ADGB: variants seen among roughly 807,000 people sequenced by gnomAD.
The protein encoded by ADGB is calpain-7-like protein.
A neutral mutation model predicts 210.5 loss-of-function variants in ADGB; 172 were observed. That is an observed-to-expected ratio of 0.82 (90% confidence interval 0.72 to 0.93). ADGB has a LOEUF of 0.93. ADGB is among the 40% of genes least tolerant of loss of function. The pLI is 0.00. For synonymous variants in ADGB, 658 were observed against 662.7 expected (o/e 0.99, Z 0.11); for missense variants, 2,025 against 1,964.8 (o/e 1.03, Z -0.58).
intron 35 of ADGB, among the ~76,000 whole-genome samples, chr6:146,810,652 A>G (rs1778290011): frequency 6.6e-6 from 1 of 152,184 alleles, no homozygotes; most frequent in Admixed American, 6.5e-5. Context: ...ATTTGCAACA[A>G]CACAGATGAA....
At chr6:146,655,984 G>A (rs1775773518) in intron 4 of ADGB, among the ~76,000 whole-genome samples, 1 of 152,066 alleles carries the variant, frequency 6.6e-6, no homozygotes, top group Non-Finnish European at 1.5e-5. Flanking sequence ...TGGCTTCATT[G>A]AACACCCACT....
At chr6:146,603,278 C>A (rs1321304869) in intron 1 of ADGB, among the ~76,000 whole-genome samples, 1 of 152,070 alleles carries the variant, frequency 6.6e-6, no homozygotes, top group Non-Finnish European at 1.5e-5. Flanking sequence ...ATTCATTCAC[C>A]AATTAGATGC....
chr6:146,692,969 A>G, intron 12 of ADGB, 54 bp downstream of exon 12: 1 of 1,033,118 alleles, frequency 9.7e-7, no homozygotes, highest in Non-Finnish European at 1.4e-6. Flanking sequence ...ATACTTTGTG[A>G]TGTGTCTGGC....
chr6:146,720,570 C>G (rs1776797611), intron 16 of ADGB, among the ~76,000 whole-genome samples: 1 of 152,140 alleles, frequency 6.6e-6, no homozygotes, highest in South Asian at 2.1e-4. Flanking sequence ...TTATAAAGAA[C>G]TACCTGAGAC....
chr6:146,609,481 T>C (rs1780675648), intron 1 of ADGB, among the ~76,000 whole-genome samples: 1 of 152,194 alleles, frequency 6.6e-6, no homozygotes, highest in Admixed American at 6.5e-5. Flanking sequence ...GACCTTATTG[T>C]GTAGTTTCTT....
At chr6:146,651,562 A>G (rs1282060328) in intron 3 of ADGB, among the ~76,000 whole-genome samples, 1 of 152,200 alleles carries the variant, frequency 6.6e-6, no homozygotes, top group African/African-American at 2.4e-5. Context: ...AGGAGGATGC[A>G]GGTCTGCAAG....
intron 12 of ADGB, among the ~76,000 whole-genome samples, chr6:146,696,100 G>C (rs1468661521): frequency 2.7e-5 from 4 of 148,958 alleles, no homozygotes; most frequent in Non-Finnish European, 5.9e-5. Context: ...TTCCCGAGAT[G>C]GAGTCTGCTC....
intron 23 of ADGB, among the ~76,000 whole-genome samples, chr6:146,738,162 A>C (rs1236370422): frequency 6.6e-6 from 1 of 152,242 alleles, no homozygotes; most frequent in Non-Finnish European, 1.5e-5. Flanking sequence ...TATCTACTGT[A>C]TAGTACTATT....
intron 22 of ADGB, among the ~76,000 whole-genome samples, chr6:146,735,437 C>T (rs1049541211): frequency 6.6e-6 from 1 of 152,006 alleles, no homozygotes; most frequent in Non-Finnish European, 1.5e-5. Context: ...AGAGCCAGAA[C>T]TCATCTTTTT....
Position 146,801,909 on chromosome 6 carries a change from G to A in ADGB, c.4716G>A (p.Gln1572=). The A allele has an allele frequency of 6.4e-7, 1 of 1,551,332 alleles. No individual in the cohort carries two copies. The highest frequency in any genetic ancestry group is 1.2e-5 in the South Asian group (1 of 83,978). Residue 1572 remains glutamine, a synonymous_variant, in exon 35 of 36, where the codon CAG becomes CAA. Transcript: ENST00000397944. Reference sequence around the variant, plus strand: ...TGCAAAAGGCGGAAGAAATTCATCAGTTTCGACAGCATAGGACCAGAGTCC... The same window carrying A: ...TGCAAAAGGCGGAAGAAATTCATCAATTTCGACAGCATAGGACCAGAGTCC... The part of the protein sequence containing the change: ...QAMQKAEEIH[Q]FRQHRTRVLS...
Position 146,717,019 on chromosome 6 carries a change from T to C in ADGB, c.1878T>C (p.Ser626=). Residue 626 remains serine, a synonymous_variant, in exon 15 of 36, where the codon AGT becomes AGC. Coordinates refer to ENST00000397944, the MANE Select transcript of ADGB (RefSeq NM_024694.4). ...SQEELPTTNN[S]VSKEIWLDFE... is the part of the protein sequence containing the mutation. ...AAGAACTTCCAACAACAAATAATAG[T>C]GTTTCTAAAGAAATATGGTTAGATT... 6.4e-7 allele frequency: 1 copy of C among 1,551,564 alleles called. No homozygotes were observed. The highest frequency in any genetic ancestry group is 8.7e-7 in the Non-Finnish European group (1 of 1,146,912).
chr6:146,808,638 G>T (rs1281458904), intron 35 of ADGB, among the ~76,000 whole-genome samples: 1 of 152,098 alleles, frequency 6.6e-6, no homozygotes, highest in Non-Finnish European at 1.5e-5. Context: ...CAGTGAAAGC[G>T]GTTTCACTTT....
chr6:146,799,058 CAAAA>C (rs71552962), intron 33 of ADGB, among the ~76,000 whole-genome samples: 830 of 63,536 alleles, frequency 0.013, 5 homozygotes, highest in African/African-American at 0.052. Context: ...TATGGAAATG[CAAAA>C]AAAAAAAAAA....
chr6:146,705,947 A>T (rs1776563889), intron 13 of ADGB, among the ~76,000 whole-genome samples: 1 of 152,104 alleles, frequency 6.6e-6, no homozygotes. Flanking sequence ...TTTAAGATAT[A>T]GGGTCTTTCC....
rs187913333 is a variant in ADGB, at chr6:146,607,516, C to T, written c.74+8402C>T. 1.4e-4 allele frequency among the ~76,000 whole-genome samples: 22 copies of T among 152,178 alleles called. 1 individual carries two copies. The South Asian group carries it at 3.1e-3, about 22-fold the overall frequency. On this transcript the variant is annotated intron_variant, in intron 1 of 35. Coordinates refer to ENST00000397944, the MANE Select transcript of ADGB (RefSeq NM_024694.4). ...TCCAACTTTTGCCCATTCAGTATAACGCTGGCTGTAGTTTTTCATAAATGG... is the reference window on the plus strand; with the variant it reads ...TCCAACTTTTGCCCATTCAGTATAATGCTGGCTGTAGTTTTTCATAAATGG...
chr6:146,604,032 A>G (rs1780598533), intron 1 of ADGB, among the ~76,000 whole-genome samples: 1 of 152,206 alleles, frequency 6.6e-6, no homozygotes, highest in Admixed American at 6.5e-5. Context: ...ACCAGAAGGC[A>G]GAGCTAAGAA....
chr6:146,618,411 G>A (rs1028628230), intron 1 of ADGB, among the ~76,000 whole-genome samples: 7 of 151,622 alleles, frequency 4.6e-5, no homozygotes, highest in Non-Finnish European at 5.9e-5. Context: ...CACTAATGTT[G>A]TGTTTGGTTT....
intron 11 of ADGB, 149 bp from the exon 12 acceptor site, chr6:146,692,676 T>G (rs957178443): frequency 4.4e-6 from 2 of 452,990 alleles, no homozygotes; most frequent in Non-Finnish European, 7.8e-6. Context: ...AAAAGCTTTA[T>G]GTATGGTTTT....
Position 146,599,050 on chromosome 6 carries a change from A to G in ADGB, c.10A>G (p.Lys4Glu). The G allele has an allele frequency of 6.4e-7, 1 of 1,551,706 alleles. No individual in the cohort carries two copies. Among genetic ancestry groups the G allele is most frequent in the Non-Finnish European group, 8.7e-7 (1 of 1,146,986 alleles). Reference protein sequence around the residue: MASKQTKKKEVHRI... With the variant: MASEQTKKKEVHRI... ...TAGATCGGCTTCTGCCATGGCCTCC[A>G]AACAAACCAAAAAGAAAGAGGTGCA... is the stretch of plus-strand genomic sequence containing the variant. Residue 4 changes from lysine to glutamate, a missense_variant, in exon 1 of 36, where the codon AAA becomes GAA. Transcript: ENST00000397944.
Sources: gnomAD v4.1 joint callset for allele counts (sites outside exome capture counted in the v4.1 genomes callset) on GRCh38, gnomAD v4.1.1 for gene constraint, MANE v1.5 for transcripts, NCBI Gene and HGNC (gene_info 2026-07-23, HGNC 2026-07-21) for gene names.